The following STK32A variants were observed in gnomAD, a reference collection of about 807,000 sequenced individuals.
STK32A encodes the protein serine/threonine kinase 32A.
A neutral mutation model predicts 53.2 loss-of-function variants in STK32A; 41 were observed. The observed-to-expected ratio is 0.77, with a 90% confidence interval of 0.60 to 1.00. The LOEUF is 1.00. Among genes scored for constraint, STK32A ranks in the 50% least tolerant of loss-of-function variants. The pLI is 0.00. For synonymous variants in STK32A, 166 were observed against 162.8 expected (o/e 1.02, Z -0.15); for missense variants, 458 against 485.8 (o/e 0.94, Z 0.54).
At chr5:147,401,534 A>G in the STK32A span, 1 of 1,609,956 alleles carries the variant, frequency 6.2e-7, no homozygotes, top group South Asian at 1.1e-5. Flanking sequence ...GCATTCCTGC[A>G]CCAACCTGGC....
chr5:147,276,925 G>C (rs1444199397), intron 2 of STK32A, among the ~76,000 whole-genome samples: 2 of 152,100 alleles, frequency 1.3e-5, no homozygotes, highest in Non-Finnish European at 2.9e-5. Flanking sequence ...CCAAGTACAG[G>C]ATTATTTGTA....
intron 4 of STK32A, among the ~76,000 whole-genome samples, chr5:147,293,772 C>T (rs1054436961): frequency 1.3e-5 from 2 of 151,772 alleles, no homozygotes; most frequent in East Asian, 3.9e-4. Context: ...CTTAAAAAGC[C>T]TCTCAAGGCT....
At chr5:147,339,172 G>A (rs1192277067) in intron 5 of STK32A, among the ~76,000 whole-genome samples, 2 of 152,162 alleles carry the variant, frequency 1.3e-5, no homozygotes, top group Non-Finnish European at 2.9e-5. Context: ...CTGGGCCCAG[G>A]GCCTTGCTGC....
chr5:147,324,568 T>C (rs1013361487), intron 5 of STK32A, among the ~76,000 whole-genome samples: 3 of 152,102 alleles, frequency 2.0e-5, no homozygotes, highest in African/African-American at 7.2e-5. Context: ...AGAGCATTAG[T>C]AGTAAATAAA....
At chr5:147,348,933 C>T (rs1057434885) in intron 6 of STK32A, 28 of 507,118 alleles carry the variant, frequency 5.5e-5, no homozygotes, top group Non-Finnish European at 8.0e-5. Flanking sequence ...GGATAAGTGA[C>T]GTTTTCAAGG....
At chr5:147,401,665 G>A in the STK32A span, 3 of 1,614,024 alleles carry the variant, frequency 1.9e-6, no homozygotes, top group African/African-American at 2.7e-5. Context: ...TGCCGAGGCT[G>A]GCAGTGATGG....
chr5:147,332,551 C>T (rs771493432), intron 5 of STK32A, among the ~76,000 whole-genome samples: 1 of 152,012 alleles, frequency 6.6e-6, no homozygotes, highest in Admixed American at 6.6e-5. Context: ...ATAAAAGTTT[C>T]TATTTGTTGC....
chr5:147,249,299 T>A (rs1010555497), intron 2 of STK32A, among the ~76,000 whole-genome samples: 1 of 152,120 alleles, frequency 6.6e-6, no homozygotes, highest in Non-Finnish European at 1.5e-5. Context: ...AATAATAGTA[T>A]CTGTCTCATA....
chr5:147,378,624 G>A (rs985450464), intron 11 of STK32A, among the ~76,000 whole-genome samples: 2 of 151,946 alleles, frequency 1.3e-5, no homozygotes, highest in African/African-American at 4.8e-5. Context: ...CACTGTTTAG[G>A]TACCACATTA....
intron 6 of STK32A, chr5:147,348,615 A>G: frequency 1.4e-6 from 1 of 727,330 alleles, no homozygotes; most frequent in Non-Finnish European, 2.6e-6. Flanking sequence ...CAGCTTGGAA[A>G]TCTATGCAGA....
At chr5:147,287,608 C>T (rs75110187) in intron 4 of STK32A, among the ~76,000 whole-genome samples, 295 of 152,194 alleles carry the variant, frequency 1.9e-3, no homozygotes, top group Non-Finnish European at 3.4e-3. Context: ...ATGCACTACT[C>T]GGATATGGTA....
intron 4 of STK32A, among the ~76,000 whole-genome samples, chr5:147,300,359 C>A (rs769111887): frequency 6.6e-6 from 1 of 152,174 alleles, no homozygotes; most frequent in African/African-American, 2.4e-5. Context: ...TGCACTATAC[C>A]ATCCCTATAC....
intron 6 of STK32A, among the ~76,000 whole-genome samples, chr5:147,349,518 G>C (rs1474613698): frequency 6.6e-6 from 1 of 152,194 alleles, no homozygotes; most frequent in Non-Finnish European, 1.5e-5. Context: ...TTGTTTGCCT[G>C]AGCTTTTGGC....
chr5:147,261,337 A>T (rs1754562035), intron 2 of STK32A, among the ~76,000 whole-genome samples: 1 of 152,224 alleles, frequency 6.6e-6, no homozygotes, highest in Non-Finnish European at 1.5e-5. Context: ...ACACTTGGAC[A>T]AGGGAGGGGA....
At chr5:147,245,688 A>C (rs1178809411) in intron 2 of STK32A, among the ~76,000 whole-genome samples, 2 of 152,258 alleles carry the variant, frequency 1.3e-5, no homozygotes, top group Non-Finnish European at 2.9e-5. Flanking sequence ...GCCTTCTTCT[A>C]GAATATTATA....
chr5:147,314,218 C>T (rs1753845386), intron 4 of STK32A, among the ~76,000 whole-genome samples: 1 of 152,000 alleles, frequency 6.6e-6, no homozygotes, highest in African/African-American at 2.4e-5. Context: ...TACAAAGGGG[C>T]CAGGCGCTGT....
intron 8 of STK32A, 74 bp downstream of exon 8, chr5:147,361,688 G>C: frequency 3.7e-6 from 4 of 1,095,772 alleles, no homozygotes; most frequent in Non-Finnish European, 5.5e-6. Context: ...TGTATTGTTT[G>C]CTAAGATCCA....
At chr5:147,369,791 G>T (rs983018110) in intron 8 of STK32A, among the ~76,000 whole-genome samples, 2 of 151,998 alleles carry the variant, frequency 1.3e-5, no homozygotes, top group African/African-American at 4.8e-5. Flanking sequence ...TGGAAATTTT[G>T]TTCATTAAAT....
intron 4 of STK32A, among the ~76,000 whole-genome samples, chr5:147,317,466 T>C (rs1477687198): frequency 6.6e-6 from 1 of 151,240 alleles, no homozygotes; most frequent in Admixed American, 6.6e-5. Context: ...TAGCTGAGAT[T>C]ATAGGTGCGC....
Sources: allele counts gnomAD v4.1 joint callset (sites outside exome capture counted in the v4.1 genomes callset), GRCh38; gene constraint gnomAD v4.1.1; transcripts MANE v1.5; gene names NCBI Gene and HGNC (gene_info 2026-07-23, HGNC 2026-07-21).